The following SLCO3A1 variants were observed in gnomAD, a reference collection of about 807,000 sequenced individuals.
SLCO3A1 encodes the protein solute carrier organic anion transporter family member 3A1.
In SLCO3A1, 27 loss-of-function variants were observed where a neutral mutation model predicts 63.1. The ratio of observed to expected loss-of-function variants is 0.43; its 90% confidence interval spans 0.32 to 0.59. SLCO3A1 has a LOEUF of 0.59. Among genes scored for constraint, SLCO3A1 ranks in the 20% least tolerant of loss-of-function variants. The probability of loss-of-function intolerance (pLI) is 0.09; values close to 1 mark genes in which losing one functional copy is unlikely to be tolerated. For missense variants in SLCO3A1, 773 were observed against 945.8 expected, an observed-to-expected ratio of 0.82 and a Z score of 2.40; for synonymous variants, 473 against 409.9, an observed-to-expected ratio of 1.15 and a Z score of -1.86.
intron 1 of SLCO3A1, among the ~76,000 whole-genome samples, chr15:91,914,394 A>G (rs1232443530): frequency 6.6e-6 from 1 of 152,146 alleles, no homozygotes; most frequent in Non-Finnish European, 1.5e-5. Context: ...TTTGAGTAAC[A>G]TGACTGAGGA....
In SLCO3A1 at chr15:91,854,017, T is replaced by A; in HGVS notation, c.109T>A (p.Ser37Thr). The change falls in exon 1 of 10, where the codon TCC becomes ACC. Residue 37 changes from serine to threonine, a missense_variant. Physicochemically the swap from Ser to Thr is moderately conservative, Grantham distance 58 (BLOSUM62 1). This residue lies in a region of SLCO3A1 where 69 missense variants were observed against 64.6 expected (regional missense o/e 1.07). Transcript: ENST00000318445. This position sits in a 1 kb window ranked among gnomAD's most constrained non-coding sequence, Gnocchi z 6.4. ...AAAGAAAAAGAAGGTGTCCTGCTTT[T>A]CCAACATCAAGATCTTCCTGGTGTC... Reference protein sequence around the residue: ...KKKKKKVSCFSNIKIFLVSEC... With the variant: ...KKKKKKVSCFTNIKIFLVSEC... 1 of 1,545,864 alleles carries A rather than the reference T, an allele frequency of 6.5e-7. No homozygotes were observed.
chr15:92,065,002 TAGAAG>T (rs1234096614), intron 2 of SLCO3A1, among the ~76,000 whole-genome samples: 2 of 152,218 alleles, frequency 1.3e-5, no homozygotes, highest in African/African-American at 2.4e-5. Context: ...TAAAAATAGC[TAGAAG>T]AGAAGATTTG....
intron 9 of SLCO3A1, chr15:92,161,497 G>T (rs1057278624): frequency 6.6e-6 from 1 of 152,232 alleles, no homozygotes; most frequent in Non-Finnish European, 1.5e-5. Flanking sequence ...TTGGTGACTG[G>T]TTGTAGGTAC....
intron 2 of SLCO3A1, among the ~76,000 whole-genome samples, chr15:92,002,879 T>G (rs1345230067): frequency 6.6e-6 from 1 of 152,224 alleles, no homozygotes; most frequent in Non-Finnish European, 1.5e-5. Flanking sequence ...TAGGATCATT[T>G]AGATTACCAT....
At position 91,881,822 on chromosome 15, in the gene SLCO3A1, C is replaced by T. The variant is rs371700970; in HGVS notation, c.180+27734C>T. On this transcript the variant is annotated intron_variant, in intron 1 of 9. Transcript: ENST00000318445. ...AGACTTTAGGAGATGGTTTTCTTAGCGCAAGCAGCATGACTTCTTTGCCTG... is the reference window on the plus strand; with the variant it reads ...AGACTTTAGGAGATGGTTTTCTTAGTGCAAGCAGCATGACTTCTTTGCCTG... Among the ~76,000 whole-genome samples, 32 of 152,280 alleles carry T rather than the reference C, an allele frequency of 2.1e-4. No homozygotes were observed. In the East Asian group the frequency reaches 4.4e-3, roughly 21 times the overall value.
At position 91,967,591 on chromosome 15, in the gene SLCO3A1, C is replaced by A. The variant is rs1212442109; in HGVS notation, c.646+51133C>A. Among the ~76,000 whole-genome samples the A allele has an allele frequency of 6.6e-6, 1 of 152,204 alleles. No homozygotes were observed. The highest frequency in any genetic ancestry group is 2.4e-5 in the African/African-American group (1 of 41,442). ...AATAAAAATCAATATGGATAAGACA[C>A]CTATTACACAGATAATCCCATATGA... is the stretch of plus-strand genomic sequence containing the variant. On this transcript the variant is annotated intron_variant, in intron 2 of 9. Coordinates refer to ENST00000318445, the MANE Select transcript of SLCO3A1 (RefSeq NM_013272.4). This position sits in a 1 kb window ranked among gnomAD's most constrained non-coding sequence, Gnocchi z 4.4.
At chr15:92,019,482 A>T (rs780161163) in intron 2 of SLCO3A1, among the ~76,000 whole-genome samples, 11 of 152,308 alleles carry the variant, frequency 7.2e-5, no homozygotes, top group Admixed American at 4.6e-4. Context: ...AATCACTGCC[A>T]TGGCCAAGCC....
chr15:91,854,097 C>A lies in SLCO3A1; in HGVS notation c.180+9C>A. 6.7e-7 allele frequency: 1 copy of A among 1,500,270 alleles called. No homozygotes were observed. The highest frequency in any genetic ancestry group is 2.8e-5 in the East Asian group (1 of 36,094). 92.9% of individuals were successfully genotyped at this position (1,500,270 alleles called of 1,614,324 possible). A position where few individuals can be genotyped will look rare whatever the true frequency, so the allele number is the denominator to read the frequency against. ...CGGTGGGCGCCTACCTGGTGAGTCCCCGAGCCAACTCCGCCGCGGGCCCCT... is the reference window on the plus strand; with the variant it reads ...CGGTGGGCGCCTACCTGGTGAGTCCACGAGCCAACTCCGCCGCGGGCCCCT... On this transcript the variant is annotated intron_variant, in intron 1 of 9. Transcript: ENST00000318445. This position sits in a 1 kb window ranked among gnomAD's most constrained non-coding sequence, Gnocchi z 6.4.
chr15:92,161,711 G>C (rs906068761), intron 9 of SLCO3A1: 9 of 152,222 alleles, frequency 5.9e-5, no homozygotes, highest in Non-Finnish European at 1.3e-4. Flanking sequence ...GCCTCAAACA[G>C]AAGAACACCA....
chr15:92,170,010 T>C (rs1027794254), downstream of SLCO3A1, among the ~76,000 whole-genome samples: 12 of 152,218 alleles, frequency 7.9e-5, no homozygotes, highest in African/African-American at 2.9e-4. Context: ...AAGATACAAT[T>C]GATTACGTTC....
downstream of SLCO3A1, among the ~76,000 whole-genome samples, chr15:92,167,057 C>T (rs147787747): frequency 2.9e-3 from 447 of 152,292 alleles, 3 homozygotes; most frequent in Admixed American, 4.8e-3. Context: ...TGCAGTTGGA[C>T]GGAGTTACGC....
intron 2 of SLCO3A1, among the ~76,000 whole-genome samples, chr15:91,999,781 G>A (rs1193953833): frequency 1.3e-5 from 2 of 152,184 alleles, no homozygotes; most frequent in Non-Finnish European, 2.9e-5. Flanking sequence ...CAGAGCGAGA[G>A]ACCCTGTCTC....
intron 3 of SLCO3A1, among the ~76,000 whole-genome samples, chr15:92,101,025 C>G (rs2047598650): frequency 6.6e-6 from 1 of 152,176 alleles, no homozygotes; most frequent in Non-Finnish European, 1.5e-5. Context: ...GTGTCATCCT[C>G]CTTGTCCTCA....
rs1315813182 is a variant in SLCO3A1 at position 91,865,997 on chromosome 15, CA to C, written c.180+11912del. Among the ~76,000 whole-genome samples, 1 of 152,122 alleles carries C rather than the reference CA, an allele frequency of 6.6e-6. No individual in the cohort carries two copies. Among genetic ancestry groups the C allele is most frequent in the African/African-American group, 2.4e-5 (1 of 41,426 alleles). ...TATTCGTAAGAGAGTCGTTCATACCCAAAGATATCATTTCAATCTTCACAGA... is the reference window on the plus strand; with the variant it reads ...TATTCGTAAGAGAGTCGTTCATACCCAAGATATCATTTCAATCTTCACAGA... On this transcript the variant is annotated intron_variant, in intron 1 of 9. Coordinates refer to ENST00000318445, the MANE Select transcript of SLCO3A1 (RefSeq NM_013272.4). This position sits in a 1 kb window ranked among gnomAD's most constrained non-coding sequence, Gnocchi z 4.6.
At chr15:91,997,616 A>G (rs1043474191) in intron 2 of SLCO3A1, among the ~76,000 whole-genome samples, 4 of 152,244 alleles carry the variant, frequency 2.6e-5, no homozygotes, top group African/African-American at 9.6e-5. Context: ...CTATGCTATA[A>G]AGACATAATA....
chr15:91,884,391 T>C (rs182470347), intron 1 of SLCO3A1, among the ~76,000 whole-genome samples: 61 of 152,048 alleles, frequency 4.0e-4, no homozygotes, highest in African/African-American at 8.9e-4. Context: ...CAGGCCTGTG[T>C]TCCCAGCTAC....
At chr15:91,868,681 C>T (rs1597072496) in intron 1 of SLCO3A1, among the ~76,000 whole-genome samples, 2 of 152,076 alleles carry the variant, frequency 1.3e-5, no homozygotes, top group East Asian at 3.9e-4. Context: ...TCTCAATTTC[C>T]TCATCTCTAA....
At chr15:91,981,961 G>A (rs549612916) in intron 2 of SLCO3A1, among the ~76,000 whole-genome samples, 7 of 152,354 alleles carry the variant, frequency 4.6e-5, no homozygotes, top group African/African-American at 1.7e-4. Context: ...ATGGCTGCAT[G>A]CTTACATGCC....
intron 2 of SLCO3A1, among the ~76,000 whole-genome samples, chr15:91,996,941 G>A (rs958326163): frequency 6.6e-6 from 1 of 152,130 alleles, no homozygotes; most frequent in Non-Finnish European, 1.5e-5. Context: ...TAACTGGATT[G>A]CATTAAAATT....
Sources: allele counts gnomAD v4.1 joint callset (sites outside exome capture counted in the v4.1 genomes callset), GRCh38; gene constraint gnomAD v4.1.1; regional missense constraint gnomAD v4.1.1; non-coding constraint Gnocchi (gnomAD v3.1); transcripts MANE v1.5; gene names NCBI Gene and HGNC (gene_info 2026-07-23, HGNC 2026-07-21).